Variants in NOX4 observed in about 807,000 individuals in gnomAD.
NOX4 encodes the protein NADPH oxidase 4.
NOX4 carries 69 observed loss-of-function variants against 87.6 expected under a neutral mutation model. That is an observed-to-expected ratio of 0.79 (90% confidence interval 0.65 to 0.96). The LOEUF is 0.96. NOX4 is among the 40% of genes least tolerant of loss of function. The pLI is 0.00. For missense variants in NOX4, 680 were observed against 681.5 expected (o/e 1.00, Z 0.02); for synonymous variants, 275 against 238.2 (o/e 1.15, Z -1.42).
At position 89,400,098 on chromosome 11, in the gene NOX4, A is replaced by G. The variant is rs1941739333; in HGVS notation, c.1012-19T>C. 7 of 1,592,414 alleles carry G rather than the reference A, an allele frequency of 4.4e-6. No homozygotes were observed. The Admixed American group carries it at 6.9e-5, about 16-fold the overall frequency. On this transcript the variant is annotated intron_variant, in intron 10 of 17. Coordinates refer to ENST00000263317, the MANE Select transcript of NOX4 (RefSeq NM_016931.5). Reference sequence around the variant, plus strand: ...TAATATACTAAAAAGCAACAAACAGATAAGTTTTAAATGACCAATTAAGAA... The same window carrying G: ...TAATATACTAAAAAGCAACAAACAGGTAAGTTTTAAATGACCAATTAAGAA...
intron 2 of NOX4, among the ~76,000 whole-genome samples, chr11:89,466,775 G>T (rs1945713993): frequency 6.6e-6 from 1 of 152,084 alleles, no homozygotes; most frequent in South Asian, 2.1e-4. Context: ...CAGGAAATCA[G>T]ATCTAAATGG....
At chr11:89,425,372 C>A (rs1943323484) in intron 7 of NOX4, among the ~76,000 whole-genome samples, 1 of 135,696 alleles carries the variant, frequency 7.4e-6, no homozygotes, top group Non-Finnish European at 1.6e-5. Flanking sequence ...CATGCAAAGA[C>A]ATATGGATGG....
chr11:89,499,441 G>T (rs1340599038), upstream of NOX4, among the ~76,000 whole-genome samples: 1 of 152,134 alleles, frequency 6.6e-6, no homozygotes, highest in East Asian at 1.9e-4. Flanking sequence ...CCAACAGTGT[G>T]GCAAAGGTTT....
At chr11:89,470,981 C>T (rs902782024) in intron 2 of NOX4, among the ~76,000 whole-genome samples, 3 of 152,098 alleles carry the variant, frequency 2.0e-5, no homozygotes, top group East Asian at 1.9e-4. Context: ...ACCAGATGGA[C>T]TCTTTATTAA....
the NOX4 span, among the ~76,000 whole-genome samples, chr11:89,539,119 G>A: frequency 1.3e-5 from 2 of 152,044 alleles, no homozygotes; most frequent in Admixed American, 1.3e-4. Context: ...GGACTTCCCA[G>A]CAGTCACAAA....
the NOX4 span, among the ~76,000 whole-genome samples, chr11:89,582,316 G>C: frequency 6.6e-6 from 1 of 151,688 alleles, no homozygotes; most frequent in Non-Finnish European, 1.5e-5. Context: ...TCCATATTGT[G>C]GCTATTGTGA....
chr11:89,356,809 T>C (rs1938096170), intron 12 of NOX4, among the ~76,000 whole-genome samples: 1 of 152,154 alleles, frequency 6.6e-6, no homozygotes, highest in East Asian at 1.9e-4. Context: ...AAATATTTGT[T>C]GAAGAAATAT....
the NOX4 span, among the ~76,000 whole-genome samples, chr11:89,588,083 A>G: frequency 6.6e-6 from 1 of 152,184 alleles, no homozygotes; most frequent in Admixed American, 6.6e-5. Context: ...TCAGTAGTGA[A>G]TAAATACTTA....
At chr11:89,455,613 A>T (rs1320045248) in intron 2 of NOX4, among the ~76,000 whole-genome samples, 1 of 151,960 alleles carries the variant, frequency 6.6e-6, no homozygotes, top group Non-Finnish European at 1.5e-5. Context: ...TTATTCACAA[A>T]GCTTGTATGT....
At chr11:89,499,641 T>C (rs1383218602), upstream of NOX4, among the ~76,000 whole-genome samples, 2 of 152,180 alleles carry the variant, frequency 1.3e-5, no homozygotes, top group African/African-American at 4.8e-5. Context: ...GTTTCCATTC[T>C]CACAATTGGA....
At chr11:89,518,933 G>A in the NOX4 span, among the ~76,000 whole-genome samples, 2 of 152,104 alleles carry the variant, frequency 1.3e-5, no homozygotes, top group Non-Finnish European at 2.9e-5. Context: ...GAGCAATAGA[G>A]TTAATGTAAA....
intron 12 of NOX4, among the ~76,000 whole-genome samples, chr11:89,359,909 ATTT>A (rs1275884575): frequency 6.6e-6 from 1 of 152,054 alleles, no homozygotes; most frequent in Non-Finnish European, 1.5e-5. Flanking sequence ...TAATAGGTTA[ATTT>A]TTTTATCTTT....
chr11:89,499,644 C>T (rs1565360053), upstream of NOX4, among the ~76,000 whole-genome samples: 2 of 152,134 alleles, frequency 1.3e-5, no homozygotes, highest in Non-Finnish European at 2.9e-5. Context: ...TCCATTCTCA[C>T]AATTGGATCA....
intron 6 of NOX4, among the ~76,000 whole-genome samples, chr11:89,435,778 C>G (rs762609677): frequency 7.9e-5 from 12 of 152,080 alleles, no homozygotes; most frequent in Non-Finnish European, 1.6e-4. Context: ...ACACAAAACT[C>G]CAATCTCACT....
At chr11:89,356,696 G>T (rs1938086671) in intron 12 of NOX4, among the ~76,000 whole-genome samples, 1 of 151,950 alleles carries the variant, frequency 6.6e-6, no homozygotes, top group Non-Finnish European at 1.5e-5. Context: ...ATGTTTTATT[G>T]TTATATGTAT....
intron 17 of NOX4, among the ~76,000 whole-genome samples, chr11:89,331,700 A>C (rs1322475915): frequency 3.3e-5 from 5 of 151,634 alleles, no homozygotes; most frequent in African/African-American, 1.2e-4. Flanking sequence ...GCCCTTGTTA[A>C]ATACTTGATA....
intron 12 of NOX4, among the ~76,000 whole-genome samples, chr11:89,359,051 T>G (rs1938308303): frequency 6.6e-6 from 1 of 152,126 alleles, no homozygotes; most frequent in Non-Finnish European, 1.5e-5. Context: ...CACAAGCTTT[T>G]GTAGACCTTC....
At chr11:89,527,363 A>C in the NOX4 span, among the ~76,000 whole-genome samples, 1 of 152,254 alleles carries the variant, frequency 6.6e-6, no homozygotes, top group Admixed American at 6.5e-5. Flanking sequence ...TTTTCTGAGG[A>C]GAAATTCAAG....
intron 11 of NOX4, among the ~76,000 whole-genome samples, chr11:89,398,015 A>G (rs1286280344): frequency 6.6e-6 from 1 of 152,156 alleles, no homozygotes; most frequent in Non-Finnish European, 1.5e-5. Flanking sequence ...CACAACAAAT[A>G]AAGAGAATTG....
Sources: gnomAD v4.1 joint callset for allele counts (sites outside exome capture counted in the v4.1 genomes callset) on GRCh38, gnomAD v4.1.1 for gene constraint, MANE v1.5 for transcripts, NCBI Gene and HGNC (gene_info 2026-07-23, HGNC 2026-07-21) for gene names.